The following HFM1 variants were observed in gnomAD, a reference collection of about 807,000 sequenced individuals.
The protein encoded by HFM1 is helicase for meiosis 1, also known as probable ATP-dependent DNA helicase HFM1.
A neutral mutation model predicts 192.1 loss-of-function variants in HFM1; 169 were observed. The ratio of observed to expected loss-of-function variants is 0.88; its 90% CI spans 0.78 to 1.00. The LOEUF (loss-of-function observed/expected upper bound fraction) is 1.00. Among genes scored for constraint, HFM1 ranks in the 50% least tolerant of loss-of-function variants. The pLI is 0.00. For synonymous variants in HFM1, 525 were observed against 537.8 expected, an observed-to-expected ratio of 0.98 and a Z score of 0.33; for missense variants, 1,661 against 1,668.0, an observed-to-expected ratio of 1.00 and a Z score of 0.07.
chr1:91,342,941 C>T (rs1571022464), intron 20 of HFM1, among the ~76,000 whole-genome samples: 1 of 152,098 alleles, frequency 6.6e-6, no homozygotes, highest in East Asian at 1.9e-4. Context: ...ATTCTGTGCA[C>T]CTGTGCCCAG....
chr1:91,328,676 A>C, intron 20 of HFM1: 1 of 1,597,482 alleles, frequency 6.3e-7, no homozygotes, highest in Non-Finnish European at 8.6e-7. Flanking sequence ...GAGCTGGCCA[A>C]ATGCAGTGAA....
intron 13 of HFM1, among the ~76,000 whole-genome samples, chr1:91,367,126 G>C (rs1659441964): frequency 6.6e-6 from 1 of 152,184 alleles, no homozygotes; most frequent in Admixed American, 6.5e-5. Context: ...GAACTGGGTG[G>C]AGCGCACCGC....
intron 34 of HFM1, among the ~76,000 whole-genome samples, 187 bp downstream of exon 34, chr1:91,273,525 A>T (rs1324885620): frequency 6.6e-6 from 1 of 152,082 alleles, no homozygotes; most frequent in Non-Finnish European, 1.5e-5. Context: ...AAAGTACAAC[A>T]AACAGAGTAA....
chr1:91,354,369 A>G (rs998329226), intron 13 of HFM1, among the ~76,000 whole-genome samples: 1 of 152,030 alleles, frequency 6.6e-6, no homozygotes, highest in Non-Finnish European at 1.5e-5. Context: ...ACAAGTATTC[A>G]TATTATGGAG....
chr1:91,375,910 A>C (rs1030378899), intron 11 of HFM1, among the ~76,000 whole-genome samples, 183 bp from the exon 12 acceptor site: 1 of 151,930 alleles, frequency 6.6e-6, no homozygotes, highest in Non-Finnish European at 1.5e-5. Flanking sequence ...AACACTACCA[A>C]TAGTAGTATT....
At chr1:91,346,995 G>A (rs1343008422) in intron 19 of HFM1, among the ~76,000 whole-genome samples, 4 of 151,980 alleles carry the variant, frequency 2.6e-5, no homozygotes, top group East Asian at 1.9e-4. Flanking sequence ...GGTGGCTCAC[G>A]CCTATAGTCC....
rs759873559 is a variant in HFM1, at chr1:91,261,279, ATTTG to A, written c.*7_*10del. The A allele has an allele frequency of 2.3e-5, 27 of 1,170,432 alleles. No homozygotes were observed. Among genetic ancestry groups the A allele is most frequent in the Non-Finnish European group, 2.9e-5 (25 of 872,038 alleles). 72.5% of individuals were successfully genotyped at this position (1,170,432 alleles called of 1,614,324 possible). A position where few individuals can be genotyped will look rare whatever the true frequency, so the allele number is the denominator to read the frequency against. On this transcript the variant is annotated 3_prime_UTR_variant, in exon 39 of 39. Transcript: ENST00000370425. Reference sequence around the variant, plus strand: ...TCTTTCTCTTATCAATATAAAAAGTATTTGTTTGTTTTAGAAAATACCATCAAAT... The same window carrying A: ...TCTTTCTCTTATCAATATAAAAAGTATTTGTTTTAGAAAATACCATCAAAT...
chr1:91,290,432 C>A (rs1396851907), intron 30 of HFM1, among the ~76,000 whole-genome samples: 6 of 152,066 alleles, frequency 3.9e-5, no homozygotes, highest in Admixed American at 3.3e-4. Flanking sequence ...TTTAAACCAA[C>A]AAAGATCAAA....
chr1:91,292,887 G>A (rs1668943180), intron 30 of HFM1, among the ~76,000 whole-genome samples: 1 of 152,078 alleles, frequency 6.6e-6, no homozygotes, highest in Non-Finnish European at 1.5e-5. Flanking sequence ...AGAGCCCTCA[G>A]AAATAACGCC....
chr1:91,269,854 T>A (rs1043778408), intron 34 of HFM1, among the ~76,000 whole-genome samples: 2 of 152,068 alleles, frequency 1.3e-5, no homozygotes, highest in African/African-American at 4.8e-5. Context: ...CACAGCAATA[T>A]GAGAGAACAG....
At chr1:91,374,277 A>G (rs1223429502) in intron 13 of HFM1, among the ~76,000 whole-genome samples, 4 of 151,844 alleles carry the variant, frequency 2.6e-5, no homozygotes, top group African/African-American at 9.7e-5. Context: ...GGGCTACTGC[A>G]GGCTACACTA....
chr1:91,372,841 CCTTT>C (rs1288819272), intron 13 of HFM1, among the ~76,000 whole-genome samples: 3 of 152,092 alleles, frequency 2.0e-5, no homozygotes, highest in African/African-American at 4.8e-5. Context: ...TCACTTTCTC[CCTTT>C]CTTTCTACCT....
rs1318566071 is a variant in HFM1, at chr1:91,350,826, C to T, written c.2118G>A (p.Leu706=). Residue 706 remains leucine, a synonymous_variant, in exon 18 of 39, where the codon CTG becomes CTA. Coordinates refer to ENST00000370425, the MANE Select transcript of HFM1 (RefSeq NM_001017975.6). The part of the protein sequence containing the change: ...LIEHLNAEIV[L]HTITDVNIAV... Reference sequence around the variant, plus strand: ...CAATATTCACATCCGTGATGGTATGCAGTACTATCTCTGCATTTAAATGTT... The same window carrying T: ...CAATATTCACATCCGTGATGGTATGTAGTACTATCTCTGCATTTAAATGTT... The T allele has an allele frequency of 1.2e-6, 2 of 1,605,530 alleles. No individual in the cohort carries two copies. The highest frequency in any genetic ancestry group is 1.7e-6 in the Non-Finnish European group (2 of 1,173,890).
In HFM1 at chr1:91,360,198, A is replaced by G. The variant is rs1018530450; in HGVS notation, c.1686-6899T>C. On this transcript the variant is annotated intron_variant, in intron 13 of 38. Coordinates refer to ENST00000370425, the MANE Select transcript of HFM1 (RefSeq NM_001017975.6). ...CAGGATCAAATTCACACATAACAAT[A>G]CCAATCTTAAATTGTAAATGGGCTA... is the stretch of plus-strand genomic sequence containing the variant. 2.4e-4 allele frequency among the ~76,000 whole-genome samples: 36 copies of G among 152,186 alleles called. 1 individual carries two copies. The highest frequency in any genetic ancestry group is 8.7e-4 in the African/African-American group (36 of 41,444).
intron 30 of HFM1, among the ~76,000 whole-genome samples, chr1:91,310,593 G>A (rs1206218657): frequency 1.3e-5 from 2 of 152,186 alleles, no homozygotes; most frequent in Non-Finnish European, 2.9e-5. Context: ...AACTTGAATT[G>A]TATCTCCCAG....
Position 91,334,553 on chromosome 1 carries a change from G to A in HFM1, c.2335+8877C>T, listed in dbSNP as rs144996790. On this transcript the variant is annotated intron_variant, in intron 20 of 38. Transcript: ENST00000370425. ...CTGGAGTCTGAAAATAAGTTATTCC[G>A]GAAATAGAACAGCAGATTGGTTGTG... Among the ~76,000 whole-genome samples, 214 of 152,158 alleles carry A rather than the reference G, an allele frequency of 1.4e-3. 1 individual carries two copies. The highest frequency in any genetic ancestry group is 4.8e-3 in the African/African-American group (201 of 41,506).
At chr1:91,380,007 G>A (rs556886971) in intron 8 of HFM1, 97 bp downstream of exon 8, 18 of 524,036 alleles carry the variant, frequency 3.4e-5, no homozygotes, top group South Asian at 2.2e-4. Context: ...AGAAAATCAA[G>A]TAATTCCTGA....
intron 30 of HFM1, among the ~76,000 whole-genome samples, chr1:91,311,930 C>T (rs1173390581): frequency 6.6e-6 from 1 of 152,172 alleles, no homozygotes; most frequent in Non-Finnish European, 1.5e-5. Flanking sequence ...CCAGCCATGG[C>T]TGAAAGGGGT....
At chr1:91,275,882 C>G (rs1666751705) in intron 32 of HFM1, among the ~76,000 whole-genome samples, 1 of 152,150 alleles carries the variant, frequency 6.6e-6, no homozygotes, top group Non-Finnish European at 1.5e-5. Context: ...GATCATGTCA[C>G]TGGTTAAAAT....
Sources: gnomAD v4.1 joint callset for allele counts (sites outside exome capture counted in the v4.1 genomes callset) on GRCh38, gnomAD v4.1.1 for gene constraint, MANE v1.5 for transcripts, NCBI Gene and HGNC (gene_info 2026-07-23, HGNC 2026-07-21) for gene names.